PACRG: variants seen among roughly 807,000 people sequenced by gnomAD.
PACRG encodes the protein parkin coregulated gene protein.
PACRG carries 29 observed loss-of-function variants against 29.7 expected under a neutral mutation model. The ratio of observed to expected loss-of-function variants is 0.98; its 90% CI spans 0.73 to 1.33. The LOEUF is 1.33. PACRG is among the 40% of genes most tolerant of loss of function. The probability of loss-of-function intolerance (pLI) is 0.00; values close to 1 mark genes in which losing one functional copy is unlikely to be tolerated. For synonymous variants in PACRG, 116 were observed against 118.7 expected (o/e 0.98, Z 0.15); for missense variants, 279 against 316.2 (o/e 0.88, Z 0.89).
intron 4 of PACRG, among the ~76,000 whole-genome samples, chr6:163,269,054 C>G (rs957663298): frequency 6.6e-6 from 1 of 152,180 alleles, no homozygotes; most frequent in African/African-American, 2.4e-5. Context: ...TTAAAAGATC[C>G]TATCGAGAGT....
intron 4 of PACRG, among the ~76,000 whole-genome samples, chr6:163,272,459 T>A (rs899125007): frequency 2.6e-5 from 4 of 152,236 alleles, no homozygotes; most frequent in Non-Finnish European, 5.9e-5. Flanking sequence ...TATATTACCT[T>A]CTCCTTCCCA....
At chr6:163,208,285 T>TC (rs1780990081) in intron 4 of PACRG, among the ~76,000 whole-genome samples, 2 of 152,088 alleles carry the variant, frequency 1.3e-5, no homozygotes, top group African/African-American at 4.8e-5. Flanking sequence ...TCTTTTCTTT[T>TC]TTCTCTTCTT....
At chr6:163,072,254 A>G (rs1356449556) in intron 3 of PACRG, among the ~76,000 whole-genome samples, 1 of 152,212 alleles carries the variant, frequency 6.6e-6, no homozygotes, top group African/African-American at 2.4e-5. Flanking sequence ...ATCATGACCA[A>G]GTGAGATTTA....
At chr6:162,954,641 A>G (rs185009917) in intron 2 of PACRG, among the ~76,000 whole-genome samples, 13 of 152,294 alleles carry the variant, frequency 8.5e-5, no homozygotes, top group Non-Finnish European at 1.6e-4. Flanking sequence ...GCATTCATTC[A>G]TTAACCGAAT....
intron 2 of PACRG, among the ~76,000 whole-genome samples, chr6:163,034,541 A>G (rs1807980299): frequency 6.6e-6 from 1 of 152,120 alleles, no homozygotes. Context: ...CTCATTCTTA[A>G]GAGAGACTCT....
rs1316669772 is a variant in PACRG at position 163,112,029 on chromosome 6, A to G, written c.613+22621A>G. ...TCACTTGATTTGCTTTATTTAGGTGACACTGTACCAAATTATTAAATTCAT... is the reference window on the plus strand; with the variant it reads ...TCACTTGATTTGCTTTATTTAGGTGGCACTGTACCAAATTATTAAATTCAT... On this transcript the variant is annotated intron_variant, in intron 4 of 4. Coordinates refer to ENST00000366888, the MANE Select transcript of PACRG (RefSeq NM_001080379.2). 5.2e-6 allele frequency: 5 copies of G among 954,132 alleles called. No homozygotes were observed. The African/African-American group carries it at 9.1e-5, about 17-fold the overall frequency. The allele number at this position is 954,132 out of a possible 1,614,324, so 59.1% of individuals were successfully genotyped here. A position where few individuals can be genotyped will look rare whatever the true frequency, so the allele number is the denominator to read the frequency against.
intron 4 of PACRG, among the ~76,000 whole-genome samples, chr6:163,158,192 G>T (rs148261080): frequency 3.6e-4 from 55 of 152,292 alleles, no homozygotes; most frequent in Middle Eastern, 3.4e-3. Context: ...AAATGAGGCT[G>T]CTGACTGTAT....
chr6:163,224,169 G>T (rs564418682), intron 4 of PACRG, among the ~76,000 whole-genome samples: 55 of 151,800 alleles, frequency 3.6e-4, no homozygotes, highest in Non-Finnish European at 6.5e-4. Flanking sequence ...AGGAGTTCAA[G>T]ACCAGCCTGG....
chr6:163,003,975 G>T (rs1365189877), intron 2 of PACRG, among the ~76,000 whole-genome samples: 1 of 152,120 alleles, frequency 6.6e-6, no homozygotes, highest in Admixed American at 6.6e-5. Context: ...TTGCTTAATA[G>T]TTGGCTAATC....
rs576548878 is a variant in PACRG, at chr6:163,068,246, G to A, written c.463+5925G>A. 7.9e-5 allele frequency among the ~76,000 whole-genome samples: 12 copies of A among 152,210 alleles called. No homozygotes were observed. In the South Asian group the frequency reaches 2.5e-3, roughly 32 times the overall value. On this transcript the variant is annotated intron_variant, in intron 3 of 4. Transcript: ENST00000366888. ...ATGAAAGGTATATTTTTTAGTTCTTGCATATCTGAAAATTCTATCATCAAG... is the reference window on the plus strand; with the variant it reads ...ATGAAAGGTATATTTTTTAGTTCTTACATATCTGAAAATTCTATCATCAAG...
chr6:162,894,711 T>C (rs1795034876), intron 2 of PACRG, among the ~76,000 whole-genome samples: 1 of 152,228 alleles, frequency 6.6e-6, no homozygotes, highest in African/African-American at 2.4e-5. Context: ...AGGTTTCCTT[T>C]TGTTGATTTG....
chr6:163,259,873 G>A (rs913602655), intron 4 of PACRG, among the ~76,000 whole-genome samples: 1 of 152,178 alleles, frequency 6.6e-6, no homozygotes, highest in African/African-American at 2.4e-5. Context: ...GAGGCTGAGG[G>A]ATGAGGGGCG....
rs184987096 is a variant in PACRG, at chr6:163,282,091, C to T, written c.614-32736C>T. On this transcript the variant is annotated intron_variant, in intron 4 of 4. Transcript: ENST00000366888. ...TGAAAAAAAGGGCAATTTTCTTTTCCTTATTGAATAAAGCATTTGGATAAT... is the reference window on the plus strand; with the variant it reads ...TGAAAAAAAGGGCAATTTTCTTTTCTTTATTGAATAAAGCATTTGGATAAT... 4.1e-3 allele frequency among the ~76,000 whole-genome samples: 621 copies of T among 151,876 alleles called. 4 individuals are homozygous for T. The highest frequency in any genetic ancestry group is 6.7e-3 in the South Asian group (32 of 4,800).
chr6:163,127,508 A>T (rs373346474), intron 4 of PACRG, among the ~76,000 whole-genome samples: 3 of 152,296 alleles, frequency 2.0e-5, no homozygotes, highest in African/African-American at 7.2e-5. Flanking sequence ...TCTGCCGCAC[A>T]AGTGTGTCCT....
At chr6:163,298,950 G>A (rs551535934) in intron 4 of PACRG, among the ~76,000 whole-genome samples, 2 of 152,188 alleles carry the variant, frequency 1.3e-5, no homozygotes, top group South Asian at 4.2e-4. Flanking sequence ...TGCCTGTAGT[G>A]GCCCCCCAAG....
intron 2 of PACRG, among the ~76,000 whole-genome samples, chr6:162,988,956 C>T (rs977144340): frequency 1.3e-5 from 2 of 152,102 alleles, no homozygotes; most frequent in African/African-American, 4.8e-5. Context: ...GGTTTTCTTT[C>T]TACATTACAA....
At chr6:162,825,941 T>A (rs1211590628) in intron 2 of PACRG, among the ~76,000 whole-genome samples, 16 of 152,098 alleles carry the variant, frequency 1.1e-4, no homozygotes, top group African/African-American at 3.9e-4. Flanking sequence ...TTATTTATTT[T>A]ATTTTATTTT....
At chr6:163,192,966 C>G (rs1195124370) in intron 4 of PACRG, among the ~76,000 whole-genome samples, 1 of 152,172 alleles carries the variant, frequency 6.6e-6, no homozygotes, top group African/African-American at 2.4e-5. Context: ...ATTCTACAAC[C>G]CTTAAACCGG....
At chr6:163,259,653 A>T (rs757080571) in intron 4 of PACRG, among the ~76,000 whole-genome samples, 6 of 152,126 alleles carry the variant, frequency 3.9e-5, no homozygotes, top group Non-Finnish European at 7.4e-5. Flanking sequence ...GGAGGACCTC[A>T]CCCCAAAATA....
Sources: gnomAD v4.1 joint callset for allele counts (sites outside exome capture counted in the v4.1 genomes callset) on GRCh38, gnomAD v4.1.1 for gene constraint, MANE v1.5 for transcripts, NCBI Gene and HGNC (gene_info 2026-07-23, HGNC 2026-07-21) for gene names.